The following ATP2B4 variants were observed in gnomAD, a reference collection of about 807,000 sequenced individuals.
ATP2B4 encodes the protein plasma membrane calcium-transporting ATPase 4.
In ATP2B4, 39 loss-of-function variants were observed where a neutral mutation model predicts 110.3. The observed-to-expected ratio is 0.35, with a 90% confidence interval of 0.27 to 0.46. The LOEUF (loss-of-function observed/expected upper bound fraction) is 0.46. ATP2B4 is among the 20% of genes least tolerant of loss of function. The probability of loss-of-function intolerance (pLI) is 1.00; values close to 1 mark genes in which losing one functional copy is unlikely to be tolerated. For synonymous variants in ATP2B4, 538 were observed against 571.7 expected, an observed-to-expected ratio of 0.94 and a Z score of 0.84; for missense variants, 1,135 against 1,530.9, an observed-to-expected ratio of 0.74 and a Z score of 4.32.
At chr1:203,705,378 T>G (rs1665821137) in intron 8 of ATP2B4, among the ~76,000 whole-genome samples, 1 of 152,238 alleles carries the variant, frequency 6.6e-6, no homozygotes, top group African/African-American at 2.4e-5. Flanking sequence ...ACTATTCTCC[T>G]AATCCTTGCC....
In ATP2B4 at chr1:203,698,168, A is replaced by G. The variant is rs1665588584; in HGVS notation, c.205A>G (p.Asn69Asp). 3.7e-6 allele frequency: 6 copies of G among 1,614,012 alleles called. No homozygotes were observed. In the East Asian group the frequency reaches 1.3e-4, roughly 36 times the overall value. ...TATCTCCTTTTCAGGTCTGTCTGGGAACCCTGCAGATCTGGAGAAACGTAG... is the reference window on the plus strand; with the variant it reads ...TATCTCCTTTTCAGGTCTGTCTGGGGACCCTGCAGATCTGGAGAAACGTAG... ...KTSPVEGLSG[N>D]PADLEKRRQV... The change falls in exon 3 of 21, where the codon AAC (asparagine) becomes GAC (aspartate). Residue 69 changes from asparagine (N) to aspartate (D), a missense_variant. By Grantham distance (23) the Asn-to-Asp change is conservative. Around this residue, in one of 9 missense-constraint regions of ATP2B4, gnomAD observed 122 missense variants for 125.2 expected, o/e 0.97. Transcript: ENST00000357681.
intron 1 of ATP2B4, among the ~76,000 whole-genome samples, chr1:203,667,171 C>T (rs1217499534): frequency 2.6e-5 from 4 of 152,078 alleles, no homozygotes; most frequent in Non-Finnish European, 4.4e-5. Context: ...CAGCTGGTCT[C>T]GAACTCCTGG....
intron 1 of ATP2B4, among the ~76,000 whole-genome samples, chr1:203,638,675 G>A (rs6685158): frequency 0.65 from 98,488 of 151,838 alleles, 32,064 homozygotes; most frequent in Middle Eastern, 0.7. Flanking sequence ...CCCCATCACT[G>A]CAACACTGTG....
intron 6 of ATP2B4, 124 bp from the exon 7 acceptor site, chr1:203,701,920 T>A: frequency 1.1e-6 from 1 of 902,784 alleles, no homozygotes; most frequent in East Asian, 2.6e-5. Flanking sequence ...TACATTTATG[T>A]CCCTTCCCTG....
intron 1 of ATP2B4, among the ~76,000 whole-genome samples, chr1:203,674,825 T>C (rs895702388): frequency 6.6e-6 from 1 of 151,608 alleles, no homozygotes; most frequent in Non-Finnish European, 1.5e-5. Flanking sequence ...CCTGGCTAAT[T>C]TTTTGTATTT....
intron 2 of ATP2B4, among the ~76,000 whole-genome samples, chr1:203,688,006 T>G (rs759105380): frequency 0.012 from 1,677 of 140,970 alleles, 22 homozygotes; most frequent in Middle Eastern, 0.022. Context: ...TTATTATTAT[T>G]ATTATTATTA....
At chr1:203,683,961 G>T (rs1208267677) in intron 2 of ATP2B4, among the ~76,000 whole-genome samples, 2 of 151,812 alleles carry the variant, frequency 1.3e-5, no homozygotes, top group Non-Finnish European at 2.9e-5. Flanking sequence ...CAGGCACAGT[G>T]AGCCACTGCT....
intron 1 of ATP2B4, among the ~76,000 whole-genome samples, chr1:203,661,791 G>T (rs535413044): frequency 1.3e-5 from 2 of 151,998 alleles, no homozygotes; most frequent in Non-Finnish European, 2.9e-5. Context: ...AGCCCTGGGC[G>T]TGTCTGTGGT....
chr1:203,699,775 T>G, intron 4 of ATP2B4, 58 bp downstream of exon 4: 1 of 1,593,166 alleles, frequency 6.3e-7, no homozygotes, highest in Non-Finnish European at 8.6e-7. Flanking sequence ...AAGGGATAGG[T>G]CCTTTGGCAT....
At chr1:203,698,511 G>T (rs1665600469) in intron 3 of ATP2B4, among the ~76,000 whole-genome samples, 157 bp downstream of exon 3, 1 of 152,026 alleles carries the variant, frequency 6.6e-6, no homozygotes, top group African/African-American at 2.4e-5. Flanking sequence ...TAGCTACTAA[G>T]CTATTCTTCC....
chr1:203,712,153 AG>A lies in ATP2B4; in HGVS notation c.2211+19del, dbSNP rs747929765. 2.5e-6 allele frequency: 4 copies of A among 1,611,992 alleles called. No homozygotes were observed. Among genetic ancestry groups the A allele is most frequent in the East Asian group, 4.5e-5 (2 of 44,842 alleles). On this transcript the variant is annotated intron_variant, in intron 13 of 20. Transcript: ENST00000357681. Reference sequence around the variant, plus strand: ...GAGAAAGGCGAGGTGGGTCCTGGCTAGGGGGAACCAGGACCTCACCTGACAA... The same window carrying A: ...GAGAAAGGCGAGGTGGGTCCTGGCTAGGGGAACCAGGACCTCACCTGACAA...
At chr1:203,728,464 G>A (rs1666588415) in intron 20 of ATP2B4, among the ~76,000 whole-genome samples, 1 of 152,164 alleles carries the variant, frequency 6.6e-6, no homozygotes, top group Middle Eastern at 3.2e-3. Flanking sequence ...AGATCTCAAG[G>A]GTGGTCTCCA....
chr1:203,661,294 C>G (rs1046982246), intron 1 of ATP2B4, among the ~76,000 whole-genome samples: 1 of 152,124 alleles, frequency 6.6e-6, no homozygotes, highest in African/African-American at 2.4e-5. Context: ...GTGGCTTCTG[C>G]CAAAGTCGGG....
At chr1:203,670,676 A>G (rs1664635930) in intron 1 of ATP2B4, among the ~76,000 whole-genome samples, 2 of 152,190 alleles carry the variant, frequency 1.3e-5, no homozygotes, top group South Asian at 4.1e-4. Context: ...TGACAGGTTT[A>G]GAAGTGATGC....
chr1:203,720,147 T>C (rs1666279973), intron 15 of ATP2B4, among the ~76,000 whole-genome samples: 1 of 152,134 alleles, frequency 6.6e-6, no homozygotes. Flanking sequence ...ATACTACTAC[T>C]CCTAGAACAA....
chr1:203,681,935 G>A (rs35014299), intron 1 of ATP2B4, among the ~76,000 whole-genome samples: 123,959 of 148,576 alleles, frequency 0.83, 52,417 homozygotes, highest in East Asian at 1. Flanking sequence ...CCCTTTACTA[G>A]AAAAAAAAAA....
intron 17 of ATP2B4, among the ~76,000 whole-genome samples, chr1:203,721,736 C>T (rs1309851633): frequency 6.8e-6 from 1 of 146,284 alleles, no homozygotes; most frequent in East Asian, 2.2e-4. Flanking sequence ...TAACTCGGGT[C>T]ACTGCAACGT....
intron 1 of ATP2B4, among the ~76,000 whole-genome samples, chr1:203,637,092 A>G (rs773839144): frequency 5.6e-4 from 86 of 152,310 alleles, no homozygotes; most frequent in Admixed American, 1.5e-3. Context: ...AAAGTTTCCT[A>G]GGGCACATAA....
chr1:203,703,924 C>T, intron 8 of ATP2B4, 111 bp downstream of exon 8: 1 of 1,383,228 alleles, frequency 7.2e-7, no homozygotes, highest in East Asian at 2.5e-5. Flanking sequence ...GCTGAAACTT[C>T]AGGGTGGCTA....
Sources: gnomAD v4.1 joint callset for allele counts (sites outside exome capture counted in the v4.1 genomes callset) on GRCh38, gnomAD v4.1.1 for gene constraint, gnomAD v4.1.1 regional missense constraint, MANE v1.5 for transcripts, NCBI Gene and HGNC (gene_info 2026-07-23, HGNC 2026-07-21) for gene names.